The following TRIM24 variants were observed in gnomAD, a reference collection of about 807,000 sequenced individuals.
The protein encoded by TRIM24 is transcription intermediary factor 1-alpha.
TRIM24 carries 29 observed loss-of-function variants against 123.9 expected under a neutral mutation model. The observed-to-expected ratio is 0.23, with a 90% confidence interval of 0.17 to 0.32. TRIM24 has a LOEUF of 0.32. TRIM24 is among the 10% of genes least tolerant of loss of function. The pLI is 1.00. For missense variants in TRIM24, 932 were observed against 1,295.3 expected, an observed-to-expected ratio of 0.72 and a Z score of 4.31; for synonymous variants, 456 against 461.1, an observed-to-expected ratio of 0.99 and a Z score of 0.14.
intron 1 of TRIM24, among the ~76,000 whole-genome samples, chr7:138,472,389 T>C (rs1259265392): frequency 6.6e-6 from 1 of 152,160 alleles, no homozygotes; most frequent in African/African-American, 2.4e-5. Flanking sequence ...AGACACACTT[T>C]CTCTTGTGAA....
At chr7:138,569,490 T>TA (rs1160764951) in intron 10 of TRIM24, among the ~76,000 whole-genome samples, 1 of 152,222 alleles carries the variant, frequency 6.6e-6, no homozygotes, top group Non-Finnish European at 1.5e-5. Flanking sequence ...AAAAGCATGT[T>TA]ATAGAATTTT....
intron 14 of TRIM24, among the ~76,000 whole-genome samples, chr7:138,578,532 TTGTGTGTGTGTGTG>T (rs142839380): frequency 1.6e-4 from 24 of 146,894 alleles, no homozygotes; most frequent in African/African-American, 3.2e-4. Flanking sequence ...GGTGGTGGTT[TTGTGTGTGTGTGTG>T]TGTGTGTGTG....
At chr7:138,494,416 G>C (rs996772660) in intron 1 of TRIM24, among the ~76,000 whole-genome samples, 4 of 151,956 alleles carry the variant, frequency 2.6e-5, no homozygotes, top group African/African-American at 7.2e-5. Context: ...ACCACACCTG[G>C]CCATGTTTCT....
chr7:138,585,112 T>A lies in TRIM24; in HGVS notation c.*161T>A. The A allele has an allele frequency of 2.0e-6, 1 of 499,798 alleles. No individual in the cohort carries two copies. Among genetic ancestry groups the A allele is most frequent in the African/African-American group, 2.0e-5 (1 of 50,224 alleles). 31.0% of individuals were successfully genotyped at this position (499,798 alleles called of 1,614,324 possible). A position where few individuals can be genotyped will look rare whatever the true frequency, so the allele number is the denominator to read the frequency against. On this transcript the variant is annotated 3_prime_UTR_variant, in exon 19 of 19. Coordinates refer to ENST00000343526, the MANE Select transcript of TRIM24 (RefSeq NM_015905.3). ...TGATTTCCTTAATAGCCCATTTCTG[T>A]TAACCTCTTATCACTAAGAAAGAAA...
Position 138,586,693 on chromosome 7 carries a change from T to G in TRIM24, c.*1742T>G, listed in dbSNP as rs1033231600. On this transcript the variant is annotated 3_prime_UTR_variant, in exon 19 of 19. Coordinates refer to ENST00000343526, the MANE Select transcript of TRIM24 (RefSeq NM_015905.3). ...GATTTTGATAACAGTGCATACACCT[T>G]TTGTCTTTTTTTGCTCCAGCATTTT... is the stretch of plus-strand genomic sequence containing the variant. 6.6e-6 allele frequency: 1 copy of G among 152,238 alleles called. No individual in the cohort carries two copies. The highest frequency in any genetic ancestry group is 1.5e-5 in the Non-Finnish European group (1 of 68,034). The allele number at this position is 152,238 out of a possible 1,614,324, so 9.4% of individuals were successfully genotyped here.
chr7:138,486,501 A>G (rs1408928511), intron 1 of TRIM24, among the ~76,000 whole-genome samples: 2 of 152,118 alleles, frequency 1.3e-5, no homozygotes, highest in African/African-American at 4.8e-5. Flanking sequence ...TCCATCTTGA[A>G]TTAATTTTTG....
chr7:138,471,611 G>T (rs1795274089), intron 1 of TRIM24, among the ~76,000 whole-genome samples: 1 of 151,824 alleles, frequency 6.6e-6, no homozygotes, highest in South Asian at 2.1e-4. Flanking sequence ...TGCAATCTTG[G>T]CTCACTGCAA....
intron 1 of TRIM24, among the ~76,000 whole-genome samples, chr7:138,486,676 A>G (rs1795655157): frequency 6.6e-6 from 1 of 152,014 alleles, no homozygotes; most frequent in African/African-American, 2.4e-5. Context: ...TGAGGCCTGT[A>G]TTCTGTCCTA....
chr7:138,562,603 C>T (rs776418797), intron 9 of TRIM24, among the ~76,000 whole-genome samples: 13 of 152,108 alleles, frequency 8.5e-5, no homozygotes, highest in African/African-American at 2.4e-4. Flanking sequence ...ATATGGCTTC[C>T]GGGAAAACCA....
chr7:138,482,115 CTTTTT>C (rs948542199), intron 1 of TRIM24, among the ~76,000 whole-genome samples: 2 of 152,058 alleles, frequency 1.3e-5, no homozygotes, highest in Admixed American at 1.3e-4. Flanking sequence ...CAGGGCCACA[CTTTTT>C]TTTCCTTTTA....
chr7:138,522,830 A>G (rs1030961), intron 4 of TRIM24, among the ~76,000 whole-genome samples: 121,551 of 152,134 alleles, frequency 0.8, 48,838 homozygotes, highest in Non-Finnish European at 0.82. Flanking sequence ...TTTAAAATAA[A>G]CAGTTTAATA....
chr7:138,583,547 G>A (rs539592978), intron 17 of TRIM24, among the ~76,000 whole-genome samples: 1 of 152,320 alleles, frequency 6.6e-6, no homozygotes, highest in East Asian at 1.9e-4. Flanking sequence ...TTAAGCCCAG[G>A]AGGCAAAGTT....
At chr7:138,548,542 C>T (rs1797146386) in intron 7 of TRIM24, among the ~76,000 whole-genome samples, 1 of 152,112 alleles carries the variant, frequency 6.6e-6, no homozygotes, top group South Asian at 2.1e-4. Context: ...AGGCGTAGGA[C>T]ATTACTGTAC....
chr7:138,462,372 G>T (rs558667457), intron 1 of TRIM24, among the ~76,000 whole-genome samples: 1 of 137,958 alleles, frequency 7.2e-6, no homozygotes, highest in African/African-American at 2.8e-5. Context: ...ACGGAGTCTC[G>T]CTCTGTCGCC....
At chr7:138,545,005 A>G (rs1430396297) in intron 7 of TRIM24, among the ~76,000 whole-genome samples, 1 of 152,188 alleles carries the variant, frequency 6.6e-6, no homozygotes, top group Non-Finnish European at 1.5e-5. Flanking sequence ...AGAATTGAAC[A>G]CACCTTGGAT....
chr7:138,532,845 G>C (rs1796777770), intron 6 of TRIM24, among the ~76,000 whole-genome samples: 1 of 152,220 alleles, frequency 6.6e-6, no homozygotes, highest in Non-Finnish European at 1.5e-5. Context: ...CTATCCATGA[G>C]CATGGAATGT....
chr7:138,555,519 G>A (rs940451687), intron 9 of TRIM24, among the ~76,000 whole-genome samples: 5 of 132,482 alleles, frequency 3.8e-5, no homozygotes, highest in Non-Finnish European at 7.8e-5. Context: ...GTCTCACTCT[G>A]TCACTCAGGC....
At chr7:138,484,031 A>G (rs549632691) in intron 1 of TRIM24, among the ~76,000 whole-genome samples, 2 of 152,130 alleles carry the variant, frequency 1.3e-5, no homozygotes, top group South Asian at 4.1e-4. Flanking sequence ...CCTCAATTCT[A>G]GGCCATATAC....
chr7:138,517,120 C>T (rs1221171953), intron 3 of TRIM24, among the ~76,000 whole-genome samples: 1 of 151,280 alleles, frequency 6.6e-6, no homozygotes, highest in East Asian at 1.9e-4. Context: ...AAAAAAAAAC[C>T]GTCTTAGCGT....
Sources: allele counts gnomAD v4.1 joint callset (sites outside exome capture counted in the v4.1 genomes callset), GRCh38; gene constraint gnomAD v4.1.1; transcripts MANE v1.5; gene names NCBI Gene and HGNC (gene_info 2026-07-23, HGNC 2026-07-21).